CENPK: variants seen among roughly 807,000 people sequenced by gnomAD.
The protein encoded by CENPK is centromere protein K.
CENPK carries 46 observed loss-of-function variants against 40.9 expected under a neutral mutation model. The ratio of observed to expected loss-of-function variants is 1.13; its 90% CI spans 0.89 to 1.44. The LOEUF is 1.44. Among genes scored for constraint, CENPK ranks in the 40% most tolerant of loss-of-function variants. The pLI is 0.00. For missense variants in CENPK, 288 were observed against 303.5 expected (o/e 0.95, Z 0.38); for synonymous variants, 107 against 104.4 (o/e 1.02, Z -0.15).
At chr5:65,551,689 T>C (rs1268166050) in intron 4 of CENPK, 53 bp from the exon 5 acceptor site, 3 of 958,576 alleles carry the variant, frequency 3.1e-6, no homozygotes, top group East Asian at 2.7e-5. Flanking sequence ...TACCTATTCA[T>C]AGATGAAAAT....
At chr5:65,496,164 G>A in the CENPK span, among the ~76,000 whole-genome samples, 1 of 152,198 alleles carries the variant, frequency 6.6e-6, no homozygotes, top group Non-Finnish European at 1.5e-5. Flanking sequence ...AGGTTAAGGT[G>A]GGAGGATCAC....
intron 5 of CENPK, among the ~76,000 whole-genome samples, chr5:65,544,275 C>A (rs1203112531): frequency 6.6e-6 from 1 of 152,138 alleles, no homozygotes; most frequent in African/African-American, 2.4e-5. Flanking sequence ...TAATCACATC[C>A]TAAAGACCTC....
chr5:65,497,774 G>A, the CENPK span, among the ~76,000 whole-genome samples: 3 of 152,192 alleles, frequency 2.0e-5, no homozygotes, highest in Non-Finnish European at 4.4e-5. Context: ...TGAGGGTGAG[G>A]TGGGAGGCTC....
intron 2 of CENPK, among the ~76,000 whole-genome samples, chr5:65,555,783 A>G (rs1750872819): frequency 6.6e-6 from 1 of 152,254 alleles, no homozygotes; most frequent in South Asian, 2.1e-4. Flanking sequence ...GAGGTGAGAA[A>G]GATGGTAAAA....
chr5:65,559,402 G>A (rs933854758), intron 2 of CENPK, among the ~76,000 whole-genome samples: 1 of 152,006 alleles, frequency 6.6e-6, no homozygotes, highest in Non-Finnish European at 1.5e-5. Context: ...GGCCGAGGCG[G>A]GCGGATCACG....
chr5:65,525,379 TA>T lies in CENPK; in HGVS notation c.597+3072del, dbSNP rs1255508438. On this transcript the variant is annotated intron_variant, in intron 9 of 10. Coordinates refer to ENST00000396679, the MANE Select transcript of CENPK (RefSeq NM_022145.5). ...AGATTCCATCTCAAAAAAAAAAAAG[TA>T]AAATTACATTTATTTTATTATTAGC... Among the ~76,000 whole-genome samples the T allele has an allele frequency of 1.5e-4, 22 of 151,698 alleles. 1 individual carries two copies. In the South Asian group the frequency reaches 1.5e-3, roughly 10 times the overall value.
downstream of CENPK, among the ~76,000 whole-genome samples, chr5:65,512,943 A>C (rs937491890): frequency 6.6e-6 from 1 of 152,204 alleles, no homozygotes; most frequent in African/African-American, 2.4e-5. Context: ...ATGTTGAACA[A>C]CTTTTTCATG....
chr5:65,530,540 A>G (rs1220908015), intron 6 of CENPK, among the ~76,000 whole-genome samples: 1 of 152,248 alleles, frequency 6.6e-6, no homozygotes, highest in Non-Finnish European at 1.5e-5. Context: ...AAAGAAGACT[A>G]AAGAGAATTA....
chr5:65,513,249 A>G (rs1742641839), downstream of CENPK, among the ~76,000 whole-genome samples: 1 of 152,178 alleles, frequency 6.6e-6, no homozygotes, highest in Non-Finnish European at 1.5e-5. Flanking sequence ...AGTCAGTGTC[A>G]GTCCTCTAAC....
chr5:65,506,568 G>A, the CENPK span, among the ~76,000 whole-genome samples: 1 of 152,188 alleles, frequency 6.6e-6, no homozygotes, highest in Non-Finnish European at 1.5e-5. Flanking sequence ...CAGATCACTT[G>A]AGGTTAGAAG....
chr5:65,527,354 G>A (rs553833330), intron 9 of CENPK, among the ~76,000 whole-genome samples: 2 of 151,280 alleles, frequency 1.3e-5, no homozygotes, highest in Non-Finnish European at 2.9e-5. Context: ...AGAGATAGAA[G>A]TCCATAGTAT....
chr5:65,515,037 T>A (rs1742765420), downstream of CENPK, among the ~76,000 whole-genome samples: 1 of 151,936 alleles, frequency 6.6e-6, no homozygotes, highest in Non-Finnish European at 1.5e-5. Flanking sequence ...TTTGTTTCAA[T>A]TTTATTGATT....
At chr5:65,543,438 A>G (rs1168913150) in intron 5 of CENPK, among the ~76,000 whole-genome samples, 9 of 152,168 alleles carry the variant, frequency 5.9e-5, no homozygotes, top group Admixed American at 5.9e-4. Context: ...CATATATCCT[A>G]TGTACACATA....
chr5:65,561,832 A>C (rs769267998), intron 1 of CENPK, among the ~76,000 whole-genome samples: 1 of 151,188 alleles, frequency 6.6e-6, no homozygotes, highest in Non-Finnish European at 1.5e-5. Context: ...TGAAATAAGC[A>C]AAAAATACCC....
In CENPK at chr5:65,541,224, G is replaced by A. The variant is rs1747917647; in HGVS notation, c.288+1578C>T. ...TGGCAAATTAATTAAACCTGAGGAGGAGGGGATCATGGAAACCCCTGATTT... is the reference window on the plus strand; with the variant it reads ...TGGCAAATTAATTAAACCTGAGGAGAAGGGGATCATGGAAACCCCTGATTT... On this transcript the variant is annotated intron_variant, in intron 6 of 10. Transcript: ENST00000396679. 75 of 352,170 alleles carry A rather than the reference G, an allele frequency of 2.1e-4. 3 individuals carry two copies. Among genetic ancestry groups the A allele is most frequent in the South Asian group, 1.6e-3 (74 of 47,358 alleles). The allele number at this position is 352,170 out of a possible 1,614,324, so 21.8% of individuals were successfully genotyped here. A position where few individuals can be genotyped will look rare whatever the true frequency, so the allele number is the denominator to read the frequency against.
At chr5:65,523,667 G>A (rs77959745) in intron 9 of CENPK, among the ~76,000 whole-genome samples, 2,961 of 152,118 alleles carry the variant, frequency 0.019, 70 homozygotes, top group African/African-American at 0.059. Context: ...TGAGACAAAC[G>A]AAATGCAGAA....
Position 65,563,162 on chromosome 5 carries a change from C to T in CENPK, c.-206G>A, listed in dbSNP as rs1752348579. 3 of 1,064,512 alleles carry T rather than the reference C, an allele frequency of 2.8e-6. No individual in the cohort carries two copies. The highest frequency in any genetic ancestry group is 4.0e-6 in the Non-Finnish European group (3 of 751,864). 65.9% of individuals were successfully genotyped at this position (1,064,512 alleles called of 1,614,324 possible). On this transcript the variant is annotated 5_prime_UTR_variant, in exon 1 of 11. Coordinates refer to ENST00000396679, the MANE Select transcript of CENPK (RefSeq NM_022145.5). Reference sequence around the variant, plus strand: ...GCAGGAAGCGCTTGCCAGCCCCGGACTTCTGCGCGCGCTGCATGCCCATTG... The same window carrying T: ...GCAGGAAGCGCTTGCCAGCCCCGGATTTCTGCGCGCGCTGCATGCCCATTG...
intron 2 of CENPK, among the ~76,000 whole-genome samples, chr5:65,559,999 T>C (rs1283021857): frequency 1.3e-5 from 2 of 152,052 alleles, no homozygotes; most frequent in Non-Finnish European, 1.5e-5. Flanking sequence ...TCTAAATTCA[T>C]ACCTGAATCT....
intron 2 of CENPK, chr5:65,555,168 C>T: frequency 4.0e-6 from 1 of 250,286 alleles, no homozygotes. Flanking sequence ...GGAGAAAAGA[C>T]AAGGAAGAAA....
Sources: allele counts gnomAD v4.1 joint callset (sites outside exome capture counted in the v4.1 genomes callset), GRCh38; gene constraint gnomAD v4.1.1; transcripts MANE v1.5; gene names NCBI Gene and HGNC (gene_info 2026-07-23, HGNC 2026-07-21).